Variants in TMCC1 observed in about 807,000 individuals in gnomAD.
TMCC1 encodes the protein transmembrane and coiled-coil domains protein 1.
A neutral mutation model predicts 52.4 loss-of-function variants in TMCC1; 15 were observed. That is an observed-to-expected ratio of 0.29 (90% CI 0.19 to 0.44). The LOEUF (loss-of-function observed/expected upper bound fraction) is 0.44. TMCC1 is among the 20% of genes least tolerant of loss of function. TMCC1 has a pLI of 1.00. For synonymous variants in TMCC1, 279 were observed against 301.9 expected (o/e 0.92, Z 0.79); for missense variants, 503 against 806.0 (o/e 0.62, Z 4.55).
In TMCC1 at chr3:129,886,378, T is replaced by C. The variant is rs564894323; in HGVS notation, c.-434-5819A>G. 2.0e-5 allele frequency among the ~76,000 whole-genome samples: 3 copies of C among 152,258 alleles called. No homozygotes were observed. The South Asian group carries it at 6.2e-4, about 32-fold the overall frequency. On this transcript the variant is annotated intron_variant, in intron 1 of 6. Coordinates refer to ENST00000393238, the MANE Select transcript of TMCC1 (RefSeq NM_001017395.5). ...GAAAACTTTCTACTTTATATGATAATAAACTTATCAAAAGAAATACAGTGG... is the reference window on the plus strand; with the variant it reads ...GAAAACTTTCTACTTTATATGATAACAAACTTATCAAAAGAAATACAGTGG...
chr3:129,857,970 G>A (rs2060219190), intron 2 of TMCC1, among the ~76,000 whole-genome samples: 1 of 152,184 alleles, frequency 6.6e-6, no homozygotes, highest in Non-Finnish European at 1.5e-5. Context: ...ACCCTAAATG[G>A]CATGCTGAAG....
At chr3:129,751,190 G>T (rs2052480549) in intron 4 of TMCC1, among the ~76,000 whole-genome samples, 1 of 151,420 alleles carries the variant, frequency 6.6e-6, no homozygotes. Flanking sequence ...GACAGAGGGA[G>T]ACCTGTCTCA....
chr3:129,765,916 G>A (rs2054087759), intron 4 of TMCC1, among the ~76,000 whole-genome samples: 1 of 152,130 alleles, frequency 6.6e-6, no homozygotes, highest in African/African-American at 2.4e-5. Context: ...TACACAGGGA[G>A]TGAAGGAGGG....
intron 4 of TMCC1, among the ~76,000 whole-genome samples, chr3:129,770,587 T>A (rs1313371066): frequency 6.7e-6 from 1 of 149,252 alleles, no homozygotes; most frequent in East Asian, 2.0e-4. Context: ...TAAGATAAAA[T>A]AAAATAAAAT....
intron 4 of TMCC1, among the ~76,000 whole-genome samples, chr3:129,783,110 G>A (rs992882721): frequency 1.1e-4 from 16 of 152,124 alleles, no homozygotes; most frequent in Admixed American, 6.5e-4. Flanking sequence ...AGTTAGTTGG[G>A]TTAGGTATGT....
chr3:129,801,568 TCTC>T (rs2057197655), intron 4 of TMCC1, among the ~76,000 whole-genome samples: 1 of 152,072 alleles, frequency 6.6e-6, no homozygotes, highest in Non-Finnish European at 1.5e-5. Context: ...TTAAAGCAAT[TCTC>T]CTGCTTCAGC....
intron 4 of TMCC1, among the ~76,000 whole-genome samples, chr3:129,788,553 C>G (rs895543006): frequency 2.0e-5 from 3 of 152,066 alleles, no homozygotes; most frequent in African/African-American, 7.2e-5. Context: ...AGCTCTGCCT[C>G]CCGGGTTGAC....
chr3:129,859,799 G>T (rs908901835), intron 2 of TMCC1, among the ~76,000 whole-genome samples: 1 of 151,880 alleles, frequency 6.6e-6, no homozygotes, highest in African/African-American at 2.4e-5. Context: ...ACATATCTAG[G>T]ACTCTGCTCA....
rs550508401 is a variant in TMCC1 at position 129,848,143 on chromosome 3, T to G, written c.-183-15317A>C. Among the ~76,000 whole-genome samples the G allele has an allele frequency of 2.8e-4, 43 of 152,310 alleles. 1 individual carries two copies. The South Asian group carries it at 8.9e-3, about 32-fold the overall frequency. On this transcript the variant is annotated intron_variant, in intron 2 of 6. Coordinates refer to ENST00000393238, the MANE Select transcript of TMCC1 (RefSeq NM_001017395.5). ...TTTTCTTAAAGGTATCTTTCAAAGA[T>G]TAAAAGTTTTTAACTTGGATGAAAT...
At chr3:129,772,321 A>G (rs2054655851) in intron 4 of TMCC1, among the ~76,000 whole-genome samples, 1 of 152,130 alleles carries the variant, frequency 6.6e-6, no homozygotes, top group African/African-American at 2.4e-5. Context: ...AGTCTGGGCG[A>G]TAGAGTGGAG....
At chr3:129,802,448 A>AACT (rs1453670490) in intron 4 of TMCC1, among the ~76,000 whole-genome samples, 4 of 152,208 alleles carry the variant, frequency 2.6e-5, no homozygotes, top group Non-Finnish European at 5.9e-5. Context: ...ACAATATGTA[A>AACT]ACTACAATAC....
chr3:129,766,022 C>G (rs886073374), intron 4 of TMCC1, among the ~76,000 whole-genome samples: 10 of 152,052 alleles, frequency 6.6e-5, no homozygotes, highest in African/African-American at 2.4e-4. Flanking sequence ...GGACTGTGTT[C>G]TCCTGAGAAG....
At chr3:129,770,342 C>T (rs1238552132) in intron 4 of TMCC1, among the ~76,000 whole-genome samples, 1 of 152,040 alleles carries the variant, frequency 6.6e-6, no homozygotes, top group Non-Finnish European at 1.5e-5. Context: ...ATAGTGAGAC[C>T]CCATCTCTAC....
rs149162171 is a variant in TMCC1, at chr3:129,871,897, C to T, written c.-184+8412G>A. ...CATGAGAGCAATGCAAATGAATCTACGAAGTGATACCATTTTTTTTACCTA... is the reference window on the plus strand; with the variant it reads ...CATGAGAGCAATGCAAATGAATCTATGAAGTGATACCATTTTTTTTACCTA... On this transcript the variant is annotated intron_variant, in intron 2 of 6. Transcript: ENST00000393238. Among the ~76,000 whole-genome samples, 184 of 152,230 alleles carry T rather than the reference C, an allele frequency of 1.2e-3. No individual in the cohort carries two copies. The Middle Eastern group carries it at 0.014, about 11-fold the overall frequency.
At chr3:129,700,697 G>A (rs1479510313) in intron 4 of TMCC1, among the ~76,000 whole-genome samples, 3 of 151,004 alleles carry the variant, frequency 2.0e-5, no homozygotes, top group Non-Finnish European at 4.4e-5. Context: ...GGCTGGTCTC[G>A]AACTCCTGAC....
chr3:129,664,729 A>G (rs989247929), intron 5 of TMCC1, among the ~76,000 whole-genome samples: 2 of 152,186 alleles, frequency 1.3e-5, no homozygotes, highest in Non-Finnish European at 2.9e-5. Context: ...AAAATTCTCA[A>G]TTAATGTTTT....
intron 2 of TMCC1, among the ~76,000 whole-genome samples, chr3:129,866,380 T>G (rs866419744): frequency 8.1e-6 from 1 of 124,222 alleles, no homozygotes; most frequent in Non-Finnish European, 1.7e-5. Context: ...ATATATATGT[T>G]TTTTTTTTTT....
chr3:129,742,406 G>T lies in TMCC1; in HGVS notation c.577-71142C>A, dbSNP rs370835083. ...ACAATCCAATTACAAAATGGACAGA[G>T]GACCTGAACAGACAGTTCTTCCAAG... is the stretch of plus-strand genomic sequence containing the variant. On this transcript the variant is annotated intron_variant, in intron 4 of 6. Coordinates refer to ENST00000393238, the MANE Select transcript of TMCC1 (RefSeq NM_001017395.5). 9.2e-5 allele frequency among the ~76,000 whole-genome samples: 14 copies of T among 152,130 alleles called. No homozygotes were observed. In the East Asian group the frequency reaches 2.5e-3, roughly 27 times the overall value.
At chr3:129,711,251 T>C (rs1290220907) in intron 4 of TMCC1, among the ~76,000 whole-genome samples, 2 of 152,242 alleles carry the variant, frequency 1.3e-5, no homozygotes, top group Non-Finnish European at 2.9e-5. Flanking sequence ...ATTCAGTCTA[T>C]GTCCAAAGTT....
Sources: gnomAD v4.1 joint callset for allele counts (sites outside exome capture counted in the v4.1 genomes callset) on GRCh38, gnomAD v4.1.1 for gene constraint, MANE v1.5 for transcripts, NCBI Gene and HGNC (gene_info 2026-07-23, HGNC 2026-07-21) for gene names.